The following SYNE2 variants were observed in gnomAD, a reference collection of about 807,000 sequenced individuals.
The protein encoded by SYNE2 is nesprin-2.
In SYNE2, 431 loss-of-function variants were observed where a neutral mutation model predicts 856.3. The observed-to-expected ratio is 0.50, with a 90% CI of 0.47 to 0.55. The LOEUF (loss-of-function observed/expected upper bound fraction) is 0.55. SYNE2 is among the 20% of genes least tolerant of loss of function. The pLI is 0.00. For synonymous variants in SYNE2, 2,923 were observed against 2,872.3 expected, an observed-to-expected ratio of 1.02 and a Z score of -0.56; for missense variants, 8,129 against 8,023.2, an observed-to-expected ratio of 1.01 and a Z score of -0.50.
At chr14:64,093,232 AATGGGTGC>A (rs2097644918) in intron 60 of SYNE2, 109 bp from the exon 61 acceptor site, 2 of 1,178,566 alleles carry the variant, frequency 1.7e-6, no homozygotes, top group African/African-American at 3.1e-5. Context: ...TTGAAATCTC[AATGGGTGC>A]ATATTTGCTG....
chr14:63,838,014 C>G (rs375381440), intron 1 of SYNE2, among the ~76,000 whole-genome samples: 17 of 150,342 alleles, frequency 1.1e-4, no homozygotes, highest in African/African-American at 3.9e-4. Flanking sequence ...ATAAAAGATG[C>G]TCAACATCAG....
At chr14:63,877,465 G>A (rs550165791) in intron 1 of SYNE2, among the ~76,000 whole-genome samples, 3 of 152,276 alleles carry the variant, frequency 2.0e-5, no homozygotes, top group Non-Finnish European at 2.9e-5. Flanking sequence ...CTGCTGAGAG[G>A]TGGTTAATTT....
intron 99 of SYNE2, among the ~76,000 whole-genome samples, chr14:64,192,313 C>T (rs1414150701): frequency 6.6e-6 from 1 of 151,736 alleles, no homozygotes; most frequent in African/African-American, 2.4e-5. Context: ...TGGCACTAGT[C>T]GAGGGTATGA....
chr14:64,209,379 C>T lies in SYNE2; in HGVS notation c.18390-49C>T, dbSNP rs1052832946. 7 of 1,613,940 alleles carry T rather than the reference C, an allele frequency of 4.3e-6. 1 individual carries two copies. The African/African-American group carries it at 8.0e-5, about 18-fold the overall frequency. On this transcript the variant is annotated intron_variant, in intron 101 of 115. Coordinates refer to ENST00000555002, the MANE Select transcript of SYNE2 (RefSeq NM_182914.3). The stretch of plus-strand genomic sequence containing the variant: ...TCAGGGGATAAAAGAAGTGCAAAAG[C>T]ACAGGCTTGGAGGGGATGGCTTGTG...
chr14:63,990,313 T>G, intron 19 of SYNE2, 98 bp from the exon 20 acceptor site: 1 of 1,233,850 alleles, frequency 8.1e-7, no homozygotes, highest in Non-Finnish European at 1.1e-6. Flanking sequence ...GATTTTGGAT[T>G]AATAATGAAC....
chr14:63,878,210 G>C (rs1175435228), intron 1 of SYNE2, among the ~76,000 whole-genome samples: 1 of 152,156 alleles, frequency 6.6e-6, no homozygotes, highest in African/African-American at 2.4e-5. Flanking sequence ...TTTGGATGGT[G>C]AGTGGGTGGG....
chr14:64,054,049 T>C (rs975132333), intron 48 of SYNE2, among the ~76,000 whole-genome samples: 2 of 152,220 alleles, frequency 1.3e-5, no homozygotes, highest in Non-Finnish European at 2.9e-5. Context: ...GTTTTGCTAA[T>C]GTCTGTAATT....
intron 81 of SYNE2, 83 bp from the exon 82 acceptor site, chr14:64,141,859 C>G: frequency 7.3e-7 from 1 of 1,378,300 alleles, no homozygotes; most frequent in South Asian, 1.2e-5. Flanking sequence ...GACCTTTTAT[C>G]AAACCAGATA....
chr14:64,036,416 G>T (rs1043774775), intron 45 of SYNE2, among the ~76,000 whole-genome samples: 1 of 151,986 alleles, frequency 6.6e-6, no homozygotes, highest in African/African-American at 2.4e-5. Flanking sequence ...CTCCTGAGTC[G>T]CTGGGATCAC....
At chr14:64,107,363 G>C (rs564046823) in intron 64 of SYNE2, 128 bp from the exon 65 acceptor site, 3 of 818,422 alleles carry the variant, frequency 3.7e-6, no homozygotes, top group African/African-American at 3.4e-5. Flanking sequence ...TTTTCTAATC[G>C]TATCTGACTT....
intron 1 of SYNE2, among the ~76,000 whole-genome samples, chr14:63,814,903 C>CAT (rs1476278237): frequency 0.035 from 1,960 of 55,536 alleles, 69 homozygotes; most frequent in South Asian, 0.053. Flanking sequence ...TATATATATC[C>CAT]ATATATATCC....
At chr14:64,203,907 G>A (rs150256472) in intron 100 of SYNE2, among the ~76,000 whole-genome samples, 1 of 152,192 alleles carries the variant, frequency 6.6e-6, no homozygotes, top group South Asian at 2.1e-4. Flanking sequence ...TTAAGAGATG[G>A]AGTCTCACTA....
chr14:63,879,046 C>CA (rs11379917), intron 1 of SYNE2, among the ~76,000 whole-genome samples: 20,129 of 151,770 alleles, frequency 0.13, 1,430 homozygotes, highest in African/African-American at 0.19. Context: ...CTGTCTTTAC[C>CA]AAAAAAAGCT....
intron 1 of SYNE2, among the ~76,000 whole-genome samples, chr14:63,876,468 AAAAC>A (rs1002902359): frequency 3.3e-5 from 5 of 150,456 alleles, no homozygotes; most frequent in Admixed American, 1.3e-4. Context: ...TTAATTAAAA[AAAAC>A]AAGCAACAAG....
chr14:63,772,145 G>A (rs1211991869), intron 1 of SYNE2, among the ~76,000 whole-genome samples: 1 of 152,172 alleles, frequency 6.6e-6, no homozygotes, highest in Non-Finnish European at 1.5e-5. Context: ...TTGAGCCCAG[G>A]CATTTGAGAC....
Position 64,052,548 on chromosome 14 carries a change from G to A in SYNE2, c.8635G>A (p.Ala2879Thr). 1 of 1,614,136 alleles carries A rather than the reference G, an allele frequency of 6.2e-7. No individual in the cohort carries two copies. Among genetic ancestry groups the A allele is most frequent in the Non-Finnish European group, 8.5e-7 (1 of 1,180,052 alleles). ...AAAACATCACCATGTTACTTTGGAG[G>A]CATCTCAGAAGGAATTGCAAGAAAT... ...ELKHHHVTLE[A>T]SQKELQEIDS... is the part of the protein sequence containing the mutation. Residue 2879 changes from alanine to threonine, a missense_variant, in exon 48 of 116, where the codon GCA (alanine) becomes ACA (threonine). Around this residue, in one of 3 missense-constraint regions of SYNE2, gnomAD observed 5,410 missense variants for 5,284.8 expected, o/e 1.02. Coordinates refer to ENST00000555002, the MANE Select transcript of SYNE2 (RefSeq NM_182914.3).
intron 106 of SYNE2, 60 bp downstream of exon 106, chr14:64,214,530 T>A: frequency 6.7e-7 from 1 of 1,502,268 alleles, no homozygotes; most frequent in East Asian, 2.4e-5. Context: ...TTTTAGCCCC[T>A]TAGCAACACG....
chr14:64,018,911 TCTCTTTCAA>T (rs1387807889), intron 34 of SYNE2, among the ~76,000 whole-genome samples: 2 of 152,222 alleles, frequency 1.3e-5, no homozygotes, highest in East Asian at 3.8e-4. Flanking sequence ...CAAAGTTATT[TCTCTTTCAA>T]CTCTAGGAAG....
rs111880729 is a variant in SYNE2, at chr14:64,129,866, C to A, written c.14104C>A (p.Pro4702Thr). The A allele has an allele frequency of 4.6e-5, 75 of 1,614,120 alleles. 3 individuals carry two copies. In the African/African-American group the frequency reaches 5.3e-4, roughly 11 times the overall value. ...LRDEGERLHLPYALLQEVYKL... is the reference protein window; with the variant it reads ...LRDEGERLHLTYALLQEVYKL... ...AGATGAAGGGGAGAGGCTTCATTTACCTTATGCTTTACTCCAGGAGGTTTA... is the reference window on the plus strand; with the variant it reads ...AGATGAAGGGGAGAGGCTTCATTTAACTTATGCTTTACTCCAGGAGGTTTA... The change falls in exon 75 of 116, where the codon CCT becomes ACT. Residue 4702 changes from proline (P) to threonine (T), a missense_variant. By Grantham distance (38) the Pro-to-Thr change is conservative. Coordinates refer to ENST00000555002, the MANE Select transcript of SYNE2 (RefSeq NM_182914.3).
Sources: gnomAD v4.1 joint callset for allele counts (sites outside exome capture counted in the v4.1 genomes callset) on GRCh38, gnomAD v4.1.1 for gene constraint, gnomAD v4.1.1 regional missense constraint, MANE v1.5 for transcripts, NCBI Gene and HGNC (gene_info 2026-07-23, HGNC 2026-07-21) for gene names.